Variants in SMAP1 observed in about 807,000 individuals in gnomAD.
The protein encoded by SMAP1 is small ArfGAP 1.
In SMAP1, 24 loss-of-function variants were observed where a neutral mutation model predicts 58.5. The observed-to-expected ratio is 0.41, with a 90% confidence interval of 0.30 to 0.58. The LOEUF (loss-of-function observed/expected upper bound fraction) is 0.58, where lower values mean the gene tolerates loss of function less well. Among genes scored for constraint, SMAP1 ranks in the 20% least tolerant of loss-of-function variants. The probability of loss-of-function intolerance (pLI) is 0.29; values close to 1 mark genes in which losing one functional copy is unlikely to be tolerated. For missense variants in SMAP1, 563 were observed against 566.3 expected (o/e 0.99, Z 0.06); for synonymous variants, 216 against 196.6 (o/e 1.10, Z -0.82).
intron 2 of SMAP1, among the ~76,000 whole-genome samples, chr6:70,738,189 T>C (rs777069260): frequency 2.6e-5 from 4 of 152,134 alleles, no homozygotes; most frequent in Non-Finnish European, 5.9e-5. Flanking sequence ...ATGTTTTAGT[T>C]GTATAGTCAG....
At chr6:70,670,061 C>T (rs1766201890) in intron 1 of SMAP1, among the ~76,000 whole-genome samples, 1 of 151,578 alleles carries the variant, frequency 6.6e-6, no homozygotes, top group Admixed American at 6.6e-5. Flanking sequence ...AGGAAGTATT[C>T]GTTTTGCTCA....
rs1259230974 is a variant in SMAP1 at position 70,860,264 on chromosome 6, C to A, written c.1334C>A (p.Pro445His). 4 of 1,613,588 alleles carry A rather than the reference C, an allele frequency of 2.5e-6. No homozygotes were observed. The highest frequency in any genetic ancestry group is 3.4e-6 in the Non-Finnish European group (4 of 1,179,858). Reference sequence around the variant, plus strand: ...ACCCCTACTGCAGGTTTTGGCCAGCCCTCCAGCACAACAGCAGGATGGTCT... The same window carrying A: ...ACCCCTACTGCAGGTTTTGGCCAGCACTCCAGCACAACAGCAGGATGGTCT... ...SATPTAGFGQ[P>H]SSTTAGWSGS... Residue 445 changes from proline (P) to histidine (H), a missense_variant, in exon 11 of 11, where the codon CCC becomes CAC. Around this residue, in one of 3 missense-constraint regions of SMAP1, gnomAD observed 494 missense variants for 473.8 expected, o/e 1.04. Coordinates refer to ENST00000370455, the MANE Select transcript of SMAP1 (RefSeq NM_001044305.3).
At chr6:70,743,990 C>T (rs748524183) in intron 2 of SMAP1, among the ~76,000 whole-genome samples, 1 of 151,870 alleles carries the variant, frequency 6.6e-6, no homozygotes, top group Non-Finnish European at 1.5e-5. Flanking sequence ...TTTCTTTTTC[C>T]TCTTGATTTG....
chr6:70,681,375 C>T (rs764562486), intron 1 of SMAP1, among the ~76,000 whole-genome samples: 16 of 152,222 alleles, frequency 1.1e-4, no homozygotes, highest in Admixed American at 5.2e-4. Context: ...TGCAGTGAGC[C>T]GTGATTGTGC....
At chr6:70,793,149 C>T (rs1188413471) in intron 5 of SMAP1, among the ~76,000 whole-genome samples, 1 of 152,120 alleles carries the variant, frequency 6.6e-6, no homozygotes, top group Non-Finnish European at 1.5e-5. Flanking sequence ...ACTCTCCTGC[C>T]TCAGCCTCCT....
chr6:70,787,365 A>G (rs558542737), intron 4 of SMAP1, among the ~76,000 whole-genome samples: 2,203 of 152,228 alleles, frequency 0.014, 18 homozygotes, highest in Non-Finnish European at 0.023. Flanking sequence ...AACCTAGGCA[A>G]TACCATTCAG....
At chr6:70,829,366 G>T (rs1770268398) in intron 6 of SMAP1, among the ~76,000 whole-genome samples, 1 of 151,776 alleles carries the variant, frequency 6.6e-6, no homozygotes, top group Non-Finnish European at 1.5e-5. Context: ...TCCTACCTCA[G>T]CCTCACACAT....
chr6:70,695,341 G>A (rs147317292), intron 1 of SMAP1, among the ~76,000 whole-genome samples: 77 of 152,200 alleles, frequency 5.1e-4, no homozygotes, highest in African/African-American at 1.6e-3. Context: ...AGTGACAGTG[G>A]GCATCCTTGT....
intron 6 of SMAP1, among the ~76,000 whole-genome samples, chr6:70,830,969 A>G (rs1464620925): frequency 1.3e-5 from 2 of 152,198 alleles, no homozygotes; most frequent in Non-Finnish European, 2.9e-5. Context: ...GTTGCTACAG[A>G]TACTGTAATG....
intron 3 of SMAP1, among the ~76,000 whole-genome samples, chr6:70,772,646 A>C (rs1286753457): frequency 6.6e-6 from 1 of 152,132 alleles, no homozygotes; most frequent in Non-Finnish European, 1.5e-5. Context: ...TAAATTACTC[A>C]CTCTATTAAC....
intron 10 of SMAP1, chr6:70,859,075 T>C (rs1421253348): frequency 3.6e-6 from 1 of 280,430 alleles, no homozygotes; most frequent in Non-Finnish European, 6.7e-6. Flanking sequence ...GTTTGGTCAC[T>C]TGTTTTACCT....
chr6:70,707,584 C>A (rs1767888977), intron 1 of SMAP1, among the ~76,000 whole-genome samples: 1 of 151,974 alleles, frequency 6.6e-6, no homozygotes, highest in Admixed American at 6.6e-5. Flanking sequence ...GTTAATGTAA[C>A]ACATTTTAAA....
chr6:70,750,721 T>A (rs1240931671), intron 2 of SMAP1, among the ~76,000 whole-genome samples: 1 of 152,154 alleles, frequency 6.6e-6, no homozygotes, highest in African/African-American at 2.4e-5. Context: ...ACATCGATTA[T>A]GGATTGATGA....
In SMAP1 at chr6:70,860,365, C is replaced by A; in HGVS notation, c.*31C>A. On this transcript the variant is annotated 3_prime_UTR_variant, in exon 11 of 11. Coordinates refer to ENST00000370455, the MANE Select transcript of SMAP1 (RefSeq NM_001044305.3). ...GCAATACAAGTTTCATCCAGAACTA[C>A]CACCTGACATTCCTTGCTGAAACGC... is the stretch of plus-strand genomic sequence containing the variant. 1.9e-6 allele frequency: 3 copies of A among 1,585,582 alleles called. No individual in the cohort carries two copies. Among genetic ancestry groups the A allele is most frequent in the Non-Finnish European group, 2.6e-6 (3 of 1,166,236 alleles).
chr6:70,679,345 A>C (rs142782298), intron 1 of SMAP1, among the ~76,000 whole-genome samples: 1,638 of 152,292 alleles, frequency 0.011, 34 homozygotes, highest in African/African-American at 0.037. Flanking sequence ...TAAGTGGTAC[A>C]GAGTTGGGTG....
At chr6:70,758,544 TAAAA>T (rs1028574739) in intron 3 of SMAP1, among the ~76,000 whole-genome samples, 3 of 151,714 alleles carry the variant, frequency 2.0e-5, no homozygotes, top group Non-Finnish European at 2.9e-5. Context: ...TAAATAAAAA[TAAAA>T]ACACATGAAG....
chr6:70,772,227 A>G (rs1474622477), intron 3 of SMAP1, among the ~76,000 whole-genome samples: 2 of 152,204 alleles, frequency 1.3e-5, no homozygotes, highest in Non-Finnish European at 1.5e-5. Flanking sequence ...TAAGAAAACA[A>G]CATTATTCTG....
chr6:70,677,756 A>G (rs1025455115), intron 1 of SMAP1, among the ~76,000 whole-genome samples: 1 of 152,108 alleles, frequency 6.6e-6, no homozygotes, highest in Non-Finnish European at 1.5e-5. Flanking sequence ...CTTTTCACTG[A>G]TGATTTAGGT....
intron 4 of SMAP1, among the ~76,000 whole-genome samples, chr6:70,787,075 C>G (rs1430883168): frequency 1.3e-5 from 2 of 152,180 alleles, no homozygotes; most frequent in Non-Finnish European, 2.9e-5. Flanking sequence ...GTAACCAAAA[C>G]AGCATGGTAC....
Sources: gnomAD v4.1 joint callset for allele counts (sites outside exome capture counted in the v4.1 genomes callset) on GRCh38, gnomAD v4.1.1 for gene constraint, gnomAD v4.1.1 regional missense constraint, MANE v1.5 for transcripts, NCBI Gene and HGNC (gene_info 2026-07-23, HGNC 2026-07-21) for gene names.